SLC9C1: variants seen among roughly 807,000 people sequenced by gnomAD.
SLC9C1 encodes sodium/hydrogen exchanger 10.
Under a neutral mutation model 140.9 loss-of-function variants are expected in SLC9C1, and 97 were observed. The observed-to-expected ratio is 0.69, with a 90% CI of 0.58 to 0.82. The LOEUF is 0.82. Among genes scored for constraint, SLC9C1 ranks in the 40% least tolerant of loss-of-function variants. The pLI is 0.00. For missense variants in SLC9C1, 1,340 were observed against 1,389.3 expected (o/e 0.96, Z 0.56); for synonymous variants, 440 against 442.6 (o/e 0.99, Z 0.07).
chr3:112,233,068 T>TTA (rs1553802222), intron 12 of SLC9C1, among the ~76,000 whole-genome samples: 1 of 128,708 alleles, frequency 7.8e-6, no homozygotes, highest in South Asian at 2.2e-4. Context: ...TATATATATA[T>TTA]TATATTTTTT....
chr3:112,213,661 C>A (rs2078272330), intron 15 of SLC9C1, among the ~76,000 whole-genome samples: 1 of 152,152 alleles, frequency 6.6e-6, no homozygotes, highest in South Asian at 2.1e-4. Context: ...AGCTAGCTAT[C>A]CTAAATATAT....
At chr3:112,180,483 A>G (rs1167356243) in intron 22 of SLC9C1, 81 bp downstream of exon 22, 17 of 1,102,992 alleles carry the variant, frequency 1.5e-5, no homozygotes, top group Admixed American at 9.7e-5. Context: ...AGATCATGCC[A>G]TTGCACTCCA....
At chr3:112,233,402 T>G (rs1176987859) in intron 12 of SLC9C1, among the ~76,000 whole-genome samples, 1 of 152,096 alleles carries the variant, frequency 6.6e-6, no homozygotes, top group Non-Finnish European at 1.5e-5. Flanking sequence ...ATACACAGCC[T>G]CCTCTTTTGA....
At chr3:112,197,798 C>G (rs1206766786) in intron 20 of SLC9C1, among the ~76,000 whole-genome samples, 1 of 152,144 alleles carries the variant, frequency 6.6e-6, no homozygotes, top group African/African-American at 2.4e-5. Flanking sequence ...AAATCCTTAA[C>G]TCCCTGACAT....
intron 23 of SLC9C1, among the ~76,000 whole-genome samples, chr3:112,169,967 C>T (rs570441526): frequency 6.6e-6 from 1 of 152,074 alleles, no homozygotes; most frequent in South Asian, 2.1e-4. Flanking sequence ...CCCTTTATCT[C>T]TCACCACATT....
At chr3:112,283,948 C>G (rs1478247779) in intron 2 of SLC9C1, among the ~76,000 whole-genome samples, 1 of 151,766 alleles carries the variant, frequency 6.6e-6, no homozygotes, top group Admixed American at 6.6e-5. Flanking sequence ...AGTTCATGCA[C>G]AGATAGCAAA....
chr3:112,157,833 C>A (rs2075171634), intron 26 of SLC9C1, among the ~76,000 whole-genome samples: 1 of 151,454 alleles, frequency 6.6e-6, no homozygotes, highest in South Asian at 2.1e-4. Flanking sequence ...TCACTGTTAG[C>A]CTATATAAAT....
chr3:112,240,466 T>C (rs914055338), intron 11 of SLC9C1, among the ~76,000 whole-genome samples: 1 of 152,230 alleles, frequency 6.6e-6, no homozygotes, highest in Non-Finnish European at 1.5e-5. Flanking sequence ...GACATTTAAA[T>C]TGGTAGACTG....
At chr3:112,179,485 T>C in intron 23 of SLC9C1, 46 bp downstream of exon 23, 3 of 1,553,618 alleles carry the variant, frequency 1.9e-6, no homozygotes, top group Non-Finnish European at 2.6e-6. Context: ...AAATCTGATA[T>C]TATTTAACAA....
intron 20 of SLC9C1, chr3:112,185,965 G>C (rs945749224): frequency 4.5e-6 from 7 of 1,560,234 alleles, no homozygotes; most frequent in Non-Finnish European, 6.0e-6. Context: ...TGGGCGACCA[G>C]CTCTCTGCTG....
Position 112,204,415 on chromosome 3 carries a change from A to G in SLC9C1, c.1987-12T>C. The G allele has an allele frequency of 6.5e-7, 1 of 1,548,174 alleles. No individual in the cohort carries two copies. The highest frequency in any genetic ancestry group is 8.6e-7 in the Non-Finnish European group (1 of 1,157,784). ...CTCATTGCTGCTATCTGTTGATTTAAAAGGAAATTACATTATCATGTTTGT... is the reference window on the plus strand; with the variant it reads ...CTCATTGCTGCTATCTGTTGATTTAGAAGGAAATTACATTATCATGTTTGT... On this transcript the variant is annotated splice_polypyrimidine_tract_variant and intron_variant, in intron 16 of 28. Coordinates refer to ENST00000305815, the MANE Select transcript of SLC9C1 (RefSeq NM_183061.3).
chr3:112,171,067 A>T (rs568107301), intron 23 of SLC9C1, among the ~76,000 whole-genome samples: 2 of 152,104 alleles, frequency 1.3e-5, no homozygotes, highest in Non-Finnish European at 2.9e-5. Context: ...TACAAAAATT[A>T]TCTGGGCATG....
chr3:112,142,188 T>A (rs1282143957), intron 28 of SLC9C1, among the ~76,000 whole-genome samples: 1 of 152,236 alleles, frequency 6.6e-6, no homozygotes, highest in Admixed American at 6.5e-5. Context: ...AAAACCAATA[T>A]CCCTCAGTTT....
rs1041754610 is a variant in SLC9C1 at position 112,276,791 on chromosome 3, A to G, written c.484+904T>C. Among the ~76,000 whole-genome samples the G allele has an allele frequency of 7.2e-5, 11 of 152,060 alleles. No individual in the cohort carries two copies. The East Asian group carries it at 1.5e-3, about 21-fold the overall frequency. ...GTGTGCTGAGAGTATGGGGAGGAAG[A>G]CAAGAATCCAGGGTTGGATGGTGGA... is the stretch of plus-strand genomic sequence containing the variant. On this transcript the variant is annotated intron_variant, in intron 5 of 28. Transcript: ENST00000305815.
At chr3:112,153,247 A>G (rs1295658163) in intron 27 of SLC9C1, among the ~76,000 whole-genome samples, 1 of 152,118 alleles carries the variant, frequency 6.6e-6, no homozygotes, top group Non-Finnish European at 1.5e-5. Context: ...CCACCATGCC[A>G]TCATTCTTTT....
At chr3:112,173,418 C>T (rs1478395018) in intron 23 of SLC9C1, among the ~76,000 whole-genome samples, 2 of 151,820 alleles carry the variant, frequency 1.3e-5, no homozygotes, top group African/African-American at 2.4e-5. Context: ...TTTTTTGATC[C>T]TTACCTTCCT....
At chr3:112,262,687 C>A (rs1407950176) in intron 10 of SLC9C1, among the ~76,000 whole-genome samples, 1 of 151,494 alleles carries the variant, frequency 6.6e-6, no homozygotes, top group Non-Finnish European at 1.5e-5. Context: ...CCTTTTATGC[C>A]AGGTACTATT....
At chr3:112,166,086 C>A (rs1309128865) in intron 26 of SLC9C1, among the ~76,000 whole-genome samples, 1 of 152,226 alleles carries the variant, frequency 6.6e-6, no homozygotes, top group East Asian at 1.9e-4. Context: ...TGGATATAAT[C>A]TCCTGGTGTG....
intron 10 of SLC9C1, among the ~76,000 whole-genome samples, chr3:112,254,203 G>C (rs1477981675): frequency 1.3e-5 from 2 of 152,138 alleles, no homozygotes; most frequent in African/African-American, 4.8e-5. Flanking sequence ...AAACTTGCTA[G>C]AGAGGCCAAC....
Sources: allele counts gnomAD v4.1 joint callset (sites outside exome capture counted in the v4.1 genomes callset), GRCh38; gene constraint gnomAD v4.1.1; transcripts MANE v1.5; gene names NCBI Gene and HGNC (gene_info 2026-07-23, HGNC 2026-07-21).